TENM4: variants seen among roughly 807,000 people sequenced by gnomAD.
TENM4 encodes teneurin transmembrane protein 4, also known as teneurin-4.
Under a neutral mutation model 243.3 loss-of-function variants are expected in TENM4, and 82 were observed. The observed-to-expected ratio is 0.34, with a 90% CI of 0.28 to 0.40. The LOEUF (loss-of-function observed/expected upper bound fraction) is 0.40, where lower values mean the gene tolerates loss of function less well. TENM4 is among the 10% of genes least tolerant of loss of function. The pLI is 1.00. For missense variants in TENM4, 3,138 were observed against 3,673.3 expected (o/e 0.85, Z 3.77); for synonymous variants, 1,412 against 1,456.3 (o/e 0.97, Z 0.69).
chr11:79,175,274 T>C (rs1181404462), intron 3 of TENM4, among the ~76,000 whole-genome samples: 1 of 152,250 alleles, frequency 6.6e-6, no homozygotes, highest in Non-Finnish European at 1.5e-5. Flanking sequence ...CATGGATTTA[T>C]ATAAAATTTT....
At chr11:78,860,986 C>G (rs906712385) in intron 10 of TENM4, among the ~76,000 whole-genome samples, 1 of 152,132 alleles carries the variant, frequency 6.6e-6, no homozygotes, top group Non-Finnish European at 1.5e-5. Flanking sequence ...CAGATAGATC[C>G]GACTCCTGTT....
intron 1 of TENM4, among the ~76,000 whole-genome samples, chr11:79,404,663 G>A (rs1387419013): frequency 6.6e-6 from 1 of 152,156 alleles, no homozygotes; most frequent in Non-Finnish European, 1.5e-5. Flanking sequence ...AGAATGTTGC[G>A]TGTGCTGAGC....
At chr11:79,024,369 TG>T (rs1308880043) in intron 6 of TENM4, among the ~76,000 whole-genome samples, 4 of 152,236 alleles carry the variant, frequency 2.6e-5, no homozygotes, top group African/African-American at 9.6e-5. Flanking sequence ...CATCTGATCA[TG>T]AGAACTACTC....
At chr11:78,852,804 C>A (rs1049306960) in intron 12 of TENM4, among the ~76,000 whole-genome samples, 1 of 152,138 alleles carries the variant, frequency 6.6e-6, no homozygotes, top group Non-Finnish European at 1.5e-5. Context: ...GGCTGGAGTG[C>A]AGTAGTATGA....
At chr11:78,962,022 C>G (rs1301373438) in intron 6 of TENM4, 1 of 152,430 alleles carries the variant, frequency 6.6e-6, no homozygotes, top group Non-Finnish European at 1.5e-5. Flanking sequence ...AGGCCCCCAG[C>G]TCCCCCGGAT....
intron 2 of TENM4, among the ~76,000 whole-genome samples, chr11:79,236,558 T>C (rs1347125833): frequency 2.6e-5 from 4 of 152,160 alleles, no homozygotes; most frequent in Non-Finnish European, 4.4e-5. Flanking sequence ...CTCGCTTTGT[T>C]GTGCTTGTGT....
chr11:79,334,549 A>C (rs1274567903), intron 1 of TENM4, among the ~76,000 whole-genome samples: 1 of 152,124 alleles, frequency 6.6e-6, no homozygotes, highest in Non-Finnish European at 1.5e-5. Flanking sequence ...TTCTCACTTC[A>C]TGCTGCTAGA....
rs531952295 is a variant in TENM4 at position 79,331,548 on chromosome 11, T to C, written c.-320-34005A>G. ...TCCACTCTGTGGAGGGGCATGCCCA[T>C]GCTCCCCAACATCTACCGGATACAG... On this transcript the variant is annotated intron_variant, in intron 1 of 33. Transcript: ENST00000278550. Among the ~76,000 whole-genome samples the C allele has an allele frequency of 9.9e-5, 15 of 152,238 alleles. No homozygotes were observed. In the South Asian group the frequency reaches 3.1e-3, roughly 32 times the overall value.
chr11:78,807,300 T>C (rs1857409402), intron 14 of TENM4, among the ~76,000 whole-genome samples: 1 of 152,188 alleles, frequency 6.6e-6, no homozygotes, highest in Non-Finnish European at 1.5e-5. Context: ...GTTCTACCAT[T>C]TTACATTCCC....
intron 18 of TENM4, among the ~76,000 whole-genome samples, chr11:78,761,590 C>T (rs1331247242): frequency 1.3e-5 from 2 of 152,146 alleles, no homozygotes; most frequent in South Asian, 2.1e-4. Flanking sequence ...TACCATTTGT[C>T]TGGGACCACT....
chr11:79,133,018 T>C (rs1001442360), intron 4 of TENM4, among the ~76,000 whole-genome samples: 1 of 151,768 alleles, frequency 6.6e-6, no homozygotes, highest in Admixed American at 6.6e-5. Context: ...CTAAATGAAA[T>C]TGAAACAAAG....
At chr11:79,006,971 T>C (rs1011264216) in intron 6 of TENM4, among the ~76,000 whole-genome samples, 2 of 152,154 alleles carry the variant, frequency 1.3e-5, no homozygotes, top group East Asian at 1.9e-4. Flanking sequence ...CTTCATTCAC[T>C]CAGTTGAAGG....
intron 2 of TENM4, among the ~76,000 whole-genome samples, chr11:79,218,626 T>TA (rs1487906041): frequency 6.6e-6 from 1 of 152,170 alleles, no homozygotes; most frequent in Non-Finnish European, 1.5e-5. Context: ...CTACAGTTTT[T>TA]ACTCCTCTTC....
rs150083524 is a variant in TENM4 at position 79,189,436 on chromosome 11, G to A, written c.-163+26372C>T. Among the ~76,000 whole-genome samples the A allele has an allele frequency of 4.0e-3, 602 of 152,306 alleles. 6 individuals carry two copies. The highest frequency in any genetic ancestry group is 0.013 in the African/African-American group (524 of 41,554). On this transcript the variant is annotated intron_variant, in intron 3 of 33. Coordinates refer to ENST00000278550, the MANE Select transcript of TENM4 (RefSeq NM_001098816.3). Reference sequence around the variant, plus strand: ...GAGTGAAGGAGTATGCTTCCTAAGAGTAGGGACTGTGTCCTGTTCTTTTCT... The same window carrying A: ...GAGTGAAGGAGTATGCTTCCTAAGAATAGGGACTGTGTCCTGTTCTTTTCT...
At chr11:79,433,851 C>A (rs1453477527) in intron 1 of TENM4, among the ~76,000 whole-genome samples, 5 of 152,196 alleles carry the variant, frequency 3.3e-5, no homozygotes. Flanking sequence ...GCATAAGTAT[C>A]AAAGCAGCAT....
intron 1 of TENM4, among the ~76,000 whole-genome samples, chr11:79,428,351 T>C (rs1487229362): frequency 6.6e-6 from 1 of 152,204 alleles, no homozygotes; most frequent in Admixed American, 6.5e-5. Flanking sequence ...CTAAGAGATG[T>C]AAAATCACCA....
chr11:79,204,766 T>A (rs1863815585), intron 3 of TENM4, among the ~76,000 whole-genome samples: 1 of 152,184 alleles, frequency 6.6e-6, no homozygotes, highest in Non-Finnish European at 1.5e-5. Flanking sequence ...CTTACACATG[T>A]GCACAAGAGG....
chr11:79,124,032 G>A (rs142819977), intron 4 of TENM4, among the ~76,000 whole-genome samples: 1,812 of 152,218 alleles, frequency 0.012, 23 homozygotes, highest in Middle Eastern at 0.02. Flanking sequence ...GGGAGCCTGG[G>A]ATATTTTGTC....
At chr11:79,234,339 G>C (rs1012408311) in intron 2 of TENM4, among the ~76,000 whole-genome samples, 1 of 152,194 alleles carries the variant, frequency 6.6e-6, no homozygotes, top group African/African-American at 2.4e-5. Context: ...GCGAAGGGAA[G>C]GTTTGGCCCT....
Sources: gnomAD v4.1 joint callset for allele counts (sites outside exome capture counted in the v4.1 genomes callset) on GRCh38, gnomAD v4.1.1 for gene constraint, MANE v1.5 for transcripts, NCBI Gene and HGNC (gene_info 2026-07-23, HGNC 2026-07-21) for gene names.